RBFOX1: variants seen among roughly 807,000 people sequenced by gnomAD.
The protein encoded by RBFOX1 is RNA binding protein fox-1 homolog 1.
Under a neutral mutation model 57.7 loss-of-function variants are expected in RBFOX1, and 8 were observed. The ratio of observed to expected loss-of-function variants is 0.14; its 90% confidence interval spans 0.08 to 0.25. RBFOX1 has a LOEUF of 0.25. Among genes scored for constraint, RBFOX1 ranks in the 10% least tolerant of loss-of-function variants. The probability of loss-of-function intolerance (pLI) is 1.00; values close to 1 mark genes in which losing one functional copy is unlikely to be tolerated. For synonymous variants in RBFOX1, 326 were observed against 222.4 expected (o/e 1.47, Z -4.15); for missense variants, 611 against 548.5 (o/e 1.11, Z -1.14).
chr16:6,094,702 C>A (rs1343543620), intron 1 of RBFOX1, among the ~76,000 whole-genome samples: 2 of 152,190 alleles, frequency 1.3e-5, no homozygotes, highest in Admixed American at 6.5e-5. Context: ...TCAGTTTCCT[C>A]ATCTGCACAT....
intron 4 of RBFOX1, among the ~76,000 whole-genome samples, chr16:7,407,165 G>T (rs2098357606): frequency 6.6e-6 from 1 of 152,118 alleles, no homozygotes; most frequent in East Asian, 1.9e-4. Flanking sequence ...CCCATCACCA[G>T]AGCAGTATAC....
chr16:6,857,601 A>T (rs1319423636), intron 3 of RBFOX1, among the ~76,000 whole-genome samples: 1 of 152,214 alleles, frequency 6.6e-6, no homozygotes, highest in Admixed American at 6.5e-5. Context: ...GCTCTTTGCC[A>T]AGAACATTAT....
chr16:6,663,579 C>G (rs1014319390), intron 3 of RBFOX1, among the ~76,000 whole-genome samples: 2 of 152,156 alleles, frequency 1.3e-5, no homozygotes, highest in African/African-American at 2.4e-5. Context: ...AAGACCAAAG[C>G]GAAGATACTT....
intron 1 of RBFOX1, among the ~76,000 whole-genome samples, chr16:5,432,559 G>GTTTTTTTTTTTTTTTTTTTTT (rs35344614): frequency 3.2e-5 from 3 of 94,222 alleles, no homozygotes; most frequent in Non-Finnish European, 4.1e-5. Flanking sequence ...TTGTTTGTTT[G>GTTTTTTTTTTTTTTTTTTTTT]TTTTTTTTTT....
intron 4 of RBFOX1, among the ~76,000 whole-genome samples, chr16:7,482,033 G>C (rs141097150): frequency 1.3e-5 from 2 of 152,282 alleles, no homozygotes; most frequent in East Asian, 1.9e-4. Flanking sequence ...GTCTTGAGTC[G>C]GGGCGATCTG....
intron 4 of RBFOX1, among the ~76,000 whole-genome samples, chr16:7,175,746 A>G (rs2081529880): frequency 1.3e-5 from 2 of 152,072 alleles, no homozygotes; most frequent in African/African-American, 2.4e-5. Flanking sequence ...TATTTCTTTC[A>G]TTTTTTTGAT....
intron 2 of RBFOX1, among the ~76,000 whole-genome samples, chr16:6,450,768 T>C (rs1412936485): frequency 5.5e-5 from 1 of 18,042 alleles, no homozygotes; most frequent in African/African-American, 5.7e-4. Context: ...TATATATGTG[T>C]ATATATATAT....
intron 1 of RBFOX1, among the ~76,000 whole-genome samples, chr16:5,281,983 C>T (rs2063282531): frequency 6.6e-6 from 1 of 152,204 alleles, no homozygotes; most frequent in South Asian, 2.1e-4. Context: ...TTTGTATATC[C>T]TTTTGATATG....
In RBFOX1 at chr16:5,999,846, C is replaced by T. The variant is rs369742050; in HGVS notation, c.351+132511C>T. Among the ~76,000 whole-genome samples, 12 of 111,054 alleles carry T rather than the reference C, an allele frequency of 1.1e-4. No individual in the cohort carries two copies. The South Asian group carries it at 1.8e-3, about 17-fold the overall frequency. The allele number at this position is 111,054 out of a possible 152,430, so 72.9% of individuals were successfully genotyped here. A position where few individuals can be genotyped will look rare whatever the true frequency, so the allele number is the denominator to read the frequency against. On this transcript the variant is annotated intron_variant, in intron 4 of 19. Coordinates refer to the RBFOX1 transcript ENST00000641259. ...TCGCACCACTGCGCTCCAGCCTGGGCGACAGAGCGAGACTCCACCTCAAAA... is the reference window on the plus strand; with the variant it reads ...TCGCACCACTGCGCTCCAGCCTGGGTGACAGAGCGAGACTCCACCTCAAAA...
intron 1 of RBFOX1, among the ~76,000 whole-genome samples, chr16:6,176,646 G>T (rs1043359548): frequency 4.0e-5 from 6 of 151,476 alleles, no homozygotes; most frequent in Non-Finnish European, 7.4e-5. Context: ...AACAATTATT[G>T]TTATGAGTAT....
chr16:5,626,883 A>C (rs1376776881), intron 3 of RBFOX1, among the ~76,000 whole-genome samples: 1 of 152,082 alleles, frequency 6.6e-6, no homozygotes, highest in African/African-American at 2.4e-5. Flanking sequence ...AATTTTGCTT[A>C]ATTGGGTCTC....
intron 1 of RBFOX1, among the ~76,000 whole-genome samples, chr16:6,310,899 TTTAAAAA>T (rs1445614638): frequency 8.5e-6 from 1 of 117,568 alleles, no homozygotes; most frequent in Non-Finnish European, 1.6e-5. Context: ...TTACCAGTGG[TTTAAAAA>T]AAAAAAAAAA....
At chr16:7,168,071 G>C (rs1228308497) in intron 4 of RBFOX1, among the ~76,000 whole-genome samples, 1 of 152,172 alleles carries the variant, frequency 6.6e-6, no homozygotes, top group Non-Finnish European at 1.5e-5. Context: ...AAATGTTCCA[G>C]AATAGTTGAC....
At chr16:6,396,271 T>C (rs2092831293) in intron 2 of RBFOX1, among the ~76,000 whole-genome samples, 1 of 152,090 alleles carries the variant, frequency 6.6e-6, no homozygotes, top group Non-Finnish European at 1.5e-5. Context: ...AGAGAGGTAC[T>C]GTAACTTGAT....
chr16:7,076,651 C>G lies in RBFOX1; in HGVS notation c.27+24553C>G, dbSNP rs995166426. ...AAATTTTTTTCCTCCCAATAATATA[C>G]CATCATACTAACAAAGGTTAACAAC... On this transcript the variant is annotated intron_variant, in intron 4 of 15. Transcript: ENST00000550418. Among the ~76,000 whole-genome samples the G allele has an allele frequency of 2.0e-5, 3 of 152,230 alleles. No homozygotes were observed. The East Asian group carries it at 5.8e-4, about 29-fold the overall frequency.
chr16:7,416,045 G>C (rs74012566), intron 4 of RBFOX1, among the ~76,000 whole-genome samples: 29,248 of 151,978 alleles, frequency 0.19, 2,983 homozygotes, highest in East Asian at 0.32. Flanking sequence ...GAGTACTCAG[G>C]CCTCTTTTTC....
chr16:6,969,315 T>C (rs2084990583), intron 3 of RBFOX1, among the ~76,000 whole-genome samples: 1 of 152,086 alleles, frequency 6.6e-6, no homozygotes, highest in Admixed American at 6.6e-5. Context: ...TAGTGCGGGG[T>C]CAGGATTAGG....
intron 1 of RBFOX1, among the ~76,000 whole-genome samples, chr16:6,086,593 G>A (rs2096087943): frequency 1.3e-5 from 2 of 152,166 alleles, no homozygotes; most frequent in South Asian, 4.1e-4. Context: ...AGTCTATACT[G>A]CTGACTGGGC....
At chr16:5,300,976 T>A (rs962320523) in intron 1 of RBFOX1, among the ~76,000 whole-genome samples, 2 of 152,216 alleles carry the variant, frequency 1.3e-5, no homozygotes, top group African/African-American at 4.8e-5. Flanking sequence ...TCTAGGTTTA[T>A]TTTTGGTAGG....
Sources: gnomAD v4.1 joint callset for allele counts (sites outside exome capture counted in the v4.1 genomes callset) on GRCh38, gnomAD v4.1.1 for gene constraint, MANE v1.5 for transcripts, NCBI Gene and HGNC (gene_info 2026-07-23, HGNC 2026-07-21) for gene names.